PCDHA8: variants seen among roughly 807,000 people sequenced by gnomAD.
The protein encoded by PCDHA8 is protocadherin alpha 8.
Under a neutral mutation model 61.8 loss-of-function variants are expected in PCDHA8, and 53 were observed. That is an observed-to-expected ratio of 0.86 (90% CI 0.69 to 1.08). The LOEUF is 1.08. Ranked by LOEUF, PCDHA8 falls within the 50% of genes least tolerant of loss-of-function variation. PCDHA8 has a pLI of 0.00. For synonymous variants in PCDHA8, 618 were observed against 556.6 expected, an observed-to-expected ratio of 1.11 and a Z score of -1.55; for missense variants, 1,293 against 1,245.0, an observed-to-expected ratio of 1.04 and a Z score of -0.58.
At chr5:140,845,025 G>A (rs1779666608) in intron 1 of PCDHA8, among the ~76,000 whole-genome samples, 1 of 149,154 alleles carries the variant, frequency 6.7e-6, no homozygotes, top group African/African-American at 2.5e-5. Flanking sequence ...TCATTTATGG[G>A]CATATTTTAG....
At chr5:140,960,515 A>G (rs1445432467) in intron 1 of PCDHA8, among the ~76,000 whole-genome samples, 1 of 152,182 alleles carries the variant, frequency 6.6e-6, no homozygotes, top group Non-Finnish European at 1.5e-5. Flanking sequence ...AGCAAACATA[A>G]TGGGTATAGG....
At position 140,918,968 on chromosome 5, in the gene PCDHA8, G is replaced by A. The variant is rs1028863089; in HGVS notation, c.2395-59981G>A. Among the ~76,000 whole-genome samples, 5 of 152,196 alleles carry A rather than the reference G, an allele frequency of 3.3e-5. 1 individual carries two copies. The highest frequency in any genetic ancestry group is 5.9e-5 in the Non-Finnish European group (4 of 68,034). On this transcript the variant is annotated intron_variant, in intron 1 of 3. Transcript: ENST00000531613. ...TCCTGAACAGACTAAGACAGATATC[G>A]TTTAGGTTAGTTGGTTTTTAGTGTT...
intron 1 of PCDHA8, among the ~76,000 whole-genome samples, chr5:140,899,097 T>A (rs1160754058): frequency 2.0e-5 from 3 of 151,826 alleles, no homozygotes; most frequent in Non-Finnish European, 4.4e-5. Flanking sequence ...TGGGCTGAGA[T>A]AATGGGGTTT....
intron 1 of PCDHA8, among the ~76,000 whole-genome samples, chr5:140,846,820 A>G (rs1780694955): frequency 6.7e-6 from 1 of 149,706 alleles, no homozygotes; most frequent in Non-Finnish European, 1.5e-5. Flanking sequence ...TTTGAGGTCA[A>G]ATAAAGAATA....
intron 1 of PCDHA8, chr5:140,857,501 G>C (rs1554150129): frequency 6.3e-7 from 1 of 1,598,242 alleles, no homozygotes; most frequent in Non-Finnish European, 8.6e-7. Flanking sequence ...GGACGCGCAG[G>C]AGAACGCCCT....
intron 1 of PCDHA8, among the ~76,000 whole-genome samples, chr5:140,907,969 A>C (rs1355560411): frequency 1.3e-5 from 2 of 152,204 alleles, no homozygotes; most frequent in African/African-American, 4.8e-5. Flanking sequence ...CCAATTTTCC[A>C]ATCATGCTTC....
chr5:140,921,740 C>T (rs923518440), intron 1 of PCDHA8, among the ~76,000 whole-genome samples: 1 of 152,052 alleles, frequency 6.6e-6, no homozygotes, highest in Non-Finnish European at 1.5e-5. Flanking sequence ...AAATTATAAG[C>T]ATAACAGGAC....
chr5:140,841,307 A>G lies in PCDHA8; in HGVS notation c.-15A>G. ...TATTAAGATAATATTTTCTGATAGGAAACGACTATTTAACATGGATTATCA... is the reference window on the plus strand; with the variant it reads ...TATTAAGATAATATTTTCTGATAGGGAACGACTATTTAACATGGATTATCA... On this transcript the variant is annotated 5_prime_UTR_variant, in exon 1 of 4. Coordinates refer to ENST00000531613, the MANE Select transcript of PCDHA8 (RefSeq NM_018911.3). 3 of 1,579,516 alleles carry G rather than the reference A, an allele frequency of 1.9e-6. No individual in the cohort carries two copies. In the African/African-American group the frequency reaches 4.1e-5, roughly 22 times the overall value.
chr5:140,964,880 C>T (rs2095860447), intron 1 of PCDHA8, among the ~76,000 whole-genome samples: 1 of 152,168 alleles, frequency 6.6e-6, no homozygotes, highest in Admixed American at 6.5e-5. Context: ...TAAGAAGCAG[C>T]AGTGATAGGA....
At chr5:140,895,875 G>A (rs1277056649) in intron 1 of PCDHA8, among the ~76,000 whole-genome samples, 5 of 152,060 alleles carry the variant, frequency 3.3e-5, no homozygotes, top group African/African-American at 7.2e-5. Context: ...GCAATGGCGC[G>A]ATCTCGGCTC....
intron 1 of PCDHA8, among the ~76,000 whole-genome samples, chr5:140,941,227 CTT>C (rs797022976): frequency 1.5e-5 from 2 of 136,000 alleles, no homozygotes; most frequent in Admixed American, 7.7e-5. Context: ...TTCTTTCTTT[CTT>C]TCTTTCTTTC....
chr5:140,884,988 ATGTT>A (rs1398620689), intron 1 of PCDHA8, among the ~76,000 whole-genome samples: 1 of 152,242 alleles, frequency 6.6e-6, no homozygotes, highest in Non-Finnish European at 1.5e-5. Context: ...CATTTAGAAA[ATGTT>A]TGTTTTAATG....
intron 1 of PCDHA8, among the ~76,000 whole-genome samples, chr5:140,886,040 C>T (rs533442744): frequency 9.2e-5 from 14 of 152,118 alleles, no homozygotes; most frequent in Non-Finnish European, 1.9e-4. Context: ...AAGTTTTCCC[C>T]AATAGTAACA....
intron 3 of PCDHA8, among the ~76,000 whole-genome samples, chr5:141,008,882 A>G (rs2098393885): frequency 6.6e-6 from 1 of 152,170 alleles, no homozygotes; most frequent in Non-Finnish European, 1.5e-5. Flanking sequence ...ACCACCCTTC[A>G]ATGTTATTAC....
chr5:140,898,737 G>T (rs2066951107), intron 1 of PCDHA8, among the ~76,000 whole-genome samples: 1 of 152,102 alleles, frequency 6.6e-6, no homozygotes, highest in African/African-American at 2.4e-5. Flanking sequence ...AAAGTCATTG[G>T]TAGCTTGATG....
intron 3 of PCDHA8, among the ~76,000 whole-genome samples, chr5:140,990,137 G>C (rs548002411): frequency 2.0e-4 from 31 of 152,224 alleles, no homozygotes; most frequent in African/African-American, 7.2e-4. Context: ...TCAGACTCAA[G>C]AGGCATAATA....
At chr5:140,878,725 A>G (rs1230048195) in intron 1 of PCDHA8, among the ~76,000 whole-genome samples, 1 of 152,252 alleles carries the variant, frequency 6.6e-6, no homozygotes, top group African/African-American at 2.4e-5. Flanking sequence ...TAAAATTTCC[A>G]GCCTTATATC....
chr5:140,849,017 C>G, intron 1 of PCDHA8: 1 of 1,588,278 alleles, frequency 6.3e-7, no homozygotes, highest in Non-Finnish European at 8.6e-7. Context: ...GACTGAGCCC[C>G]AATGAGTATT....
chr5:140,968,025 C>T lies in PCDHA8; in HGVS notation c.2395-10924C>T, dbSNP rs782679458. ...CTGAATGGCTTTGGAAACTCCTATA[C>T]ACTGGTGGTGAGCGGCCCACTGGAC... On this transcript the variant is annotated intron_variant, in intron 1 of 3. Coordinates refer to ENST00000531613, the MANE Select transcript of PCDHA8 (RefSeq NM_018911.3). 4.3e-6 allele frequency: 7 copies of T among 1,614,200 alleles called. No individual in the cohort carries two copies. In the South Asian group the frequency reaches 6.6e-5, roughly 15 times the overall value.
Sources: gnomAD v4.1 joint callset for allele counts (sites outside exome capture counted in the v4.1 genomes callset) on GRCh38, gnomAD v4.1.1 for gene constraint, MANE v1.5 for transcripts, NCBI Gene and HGNC (gene_info 2026-07-23, HGNC 2026-07-21) for gene names.